Variants in NLRP5 observed in about 807,000 individuals in gnomAD.
The protein encoded by NLRP5 is NACHT, LRR and PYD domains-containing protein 5.
In NLRP5, 93 loss-of-function variants were observed where a neutral mutation model predicts 113.1. The observed-to-expected ratio is 0.82, with a 90% CI of 0.70 to 0.98. NLRP5 has a LOEUF of 0.98. NLRP5 is among the 50% of genes least tolerant of loss of function. The pLI is 0.00. For synonymous variants in NLRP5, 751 were observed against 600.7 expected, an observed-to-expected ratio of 1.25 and a Z score of -3.66; for missense variants, 1,808 against 1,514.3, an observed-to-expected ratio of 1.19 and a Z score of -3.22.
At chr19:55,998,686 A>ATGTG (rs1374764391), upstream of NLRP5, among the ~76,000 whole-genome samples, 3 of 47,552 alleles carry the variant, frequency 6.3e-5, no homozygotes, top group African/African-American at 2.6e-4. Flanking sequence ...ATATATATAT[A>ATGTG]TATATATATA....
intron 10 of NLRP5, among the ~76,000 whole-genome samples, chr19:56,038,821 C>A (rs576173475): frequency 1.3e-5 from 2 of 152,258 alleles, no homozygotes; most frequent in Admixed American, 1.3e-4. Context: ...GATATCACTT[C>A]TTTCCTTTTC....
intron 9 of NLRP5, among the ~76,000 whole-genome samples, chr19:56,037,699 A>G (rs2123319166): frequency 6.6e-6 from 1 of 150,918 alleles, no homozygotes; most frequent in East Asian, 1.9e-4. Flanking sequence ...GTCTCAAAAA[A>G]AAAAAAAAAA....
At chr19:56,055,800 C>T (rs1274997358) in intron 13 of NLRP5, among the ~76,000 whole-genome samples, 4 of 152,164 alleles carry the variant, frequency 2.6e-5, no homozygotes, top group South Asian at 2.1e-4. Flanking sequence ...CCGCCTTGGC[C>T]TCCCAAAGTG....
intron 1 of NLRP5, among the ~76,000 whole-genome samples, chr19:56,003,294 G>A (rs1461896863): frequency 6.6e-6 from 1 of 152,166 alleles, no homozygotes; most frequent in Non-Finnish European, 1.5e-5. Context: ...TGGGATTACA[G>A]GCATGTGCCA....
Position 56,058,359 on chromosome 19 carries a change from TGAA to T in NLRP5, c.3421_3423del (p.Lys1141del), listed in dbSNP as rs753262364. The T allele has an allele frequency of 1.9e-6, 3 of 1,614,042 alleles. No homozygotes were observed. Among genetic ancestry groups the T allele is most frequent in the Admixed American group, 1.7e-5 (1 of 60,024 alleles). On this transcript the variant is annotated inframe_deletion, in exon 14 of 15. Coordinates refer to ENST00000390649, the MANE Select transcript of NLRP5 (RefSeq NM_153447.4). ...AATAACTTCAGTCCCAAAGGAATGA[TGAA>T]GCTGTGTTCGGCCTTTGCCTGTCCC... is the stretch of plus-strand genomic sequence containing the variant.
At chr19:55,993,331 C>A in the NLRP5 span, among the ~76,000 whole-genome samples, 1 of 144,670 alleles carries the variant, frequency 6.9e-6, no homozygotes, top group South Asian at 2.2e-4. Flanking sequence ...GCACCCATTT[C>A]TCCCTTCTAC....
intron 14 of NLRP5, among the ~76,000 whole-genome samples, chr19:56,060,747 T>C (rs1984322839): frequency 1.3e-5 from 2 of 152,116 alleles, no homozygotes; most frequent in Non-Finnish European, 2.9e-5. Context: ...ATTACTTTTA[T>C]TCTATAGGGA....
upstream of NLRP5, among the ~76,000 whole-genome samples, chr19:55,997,247 T>G (rs1981355320): frequency 6.6e-6 from 1 of 152,206 alleles, no homozygotes; most frequent in Non-Finnish European, 1.5e-5. Flanking sequence ...TTGATGATCG[T>G]GTGGTTTTTG....
chr19:56,046,266 C>G (rs1468833833), intron 11 of NLRP5, among the ~76,000 whole-genome samples: 1 of 152,060 alleles, frequency 6.6e-6, no homozygotes, highest in Non-Finnish European at 1.5e-5. Context: ...TTGACTTGTA[C>G]ATGTTAAACC....
At chr19:56,021,074 A>G (rs1249035979) in intron 6 of NLRP5, among the ~76,000 whole-genome samples, 1 of 151,780 alleles carries the variant, frequency 6.6e-6, no homozygotes, top group Non-Finnish European at 1.5e-5. Flanking sequence ...GTTTCACCAT[A>G]TTGGCCAGGT....
At chr19:56,060,226 T>C (rs777594529) in intron 14 of NLRP5, among the ~76,000 whole-genome samples, 1 of 152,236 alleles carries the variant, frequency 6.6e-6, no homozygotes, top group Non-Finnish European at 1.5e-5. Context: ...GATTTACTGA[T>C]TGACCTATTA....
chr19:56,040,480 A>G (rs1381269007), intron 10 of NLRP5, among the ~76,000 whole-genome samples: 1 of 152,162 alleles, frequency 6.6e-6, no homozygotes, highest in Non-Finnish European at 1.5e-5. Flanking sequence ...AGGCCGGAGA[A>G]TCATTTGAAC....
In NLRP5 at chr19:56,027,026, A is replaced by C. The variant is rs890176820; in HGVS notation, c.793A>C (p.Thr265Pro). 3 of 1,552,164 alleles carry C rather than the reference A, an allele frequency of 1.9e-6. No individual in the cohort carries two copies. In the African/African-American group the frequency reaches 4.1e-5, roughly 21 times the overall value. Reference sequence around the variant, plus strand: ...TGCTGCTGACTGGCCGGAAATGCAAACGTTGGCTGGTGCTTTTGATTCAGA... The same window carrying C: ...TGCTGCTGACTGGCCGGAAATGCAACCGTTGGCTGGTGCTTTTGATTCAGA... Residue 265 changes from threonine (T) to proline (P), a missense_variant, in exon 7 of 15, where the codon ACG (threonine) becomes CCG (proline). Thr to Pro is a conservative substitution (Grantham distance 38). Coordinates refer to ENST00000390649, the MANE Select transcript of NLRP5 (RefSeq NM_153447.4).
At chr19:56,009,325 A>G (rs1370377496) in intron 3 of NLRP5, among the ~76,000 whole-genome samples, 1 of 121,242 alleles carries the variant, frequency 8.2e-6, no homozygotes, top group Non-Finnish European at 1.7e-5. Context: ...GGGCGACAGA[A>G]CGAGACTCCA....
upstream of NLRP5, among the ~76,000 whole-genome samples, chr19:55,999,155 T>G (rs73617421): frequency 0.19 from 28,249 of 151,182 alleles, 3,099 homozygotes; most frequent in African/African-American, 0.3. Context: ...TGCTATGAAT[T>G]TAATTGTTTT....
At chr19:55,992,441 C>T in the NLRP5 span, among the ~76,000 whole-genome samples, 1 of 152,118 alleles carries the variant, frequency 6.6e-6, no homozygotes, top group Non-Finnish European at 1.5e-5. Flanking sequence ...GAGGAATCTC[C>T]ACCCTGCTTT....
intron 11 of NLRP5, 33 bp from the exon 12 acceptor site, chr19:56,050,385 C>T: frequency 6.2e-7 from 1 of 1,604,202 alleles, no homozygotes; most frequent in Non-Finnish European, 8.5e-7. Context: ...GAATGAGCAT[C>T]ACGATCTTCT....
chr19:56,025,183 T>C (rs1321671614), intron 6 of NLRP5, among the ~76,000 whole-genome samples: 1 of 152,202 alleles, frequency 6.6e-6, no homozygotes, highest in African/African-American at 2.4e-5. Flanking sequence ...TATTTCATTA[T>C]ATATTACAAT....
intron 3 of NLRP5, 109 bp downstream of exon 3, chr19:56,008,962 T>C (rs1982065672): frequency 1.1e-6 from 1 of 906,296 alleles, no homozygotes; most frequent in East Asian, 2.6e-5. Context: ...GTGTTCTTTC[T>C]AGTCTAACTA....
Sources: allele counts gnomAD v4.1 joint callset (sites outside exome capture counted in the v4.1 genomes callset), GRCh38; gene constraint gnomAD v4.1.1; transcripts MANE v1.5; gene names NCBI Gene and HGNC (gene_info 2026-07-23, HGNC 2026-07-21).